Variants in DIP2C observed in about 807,000 individuals in gnomAD.
DIP2C encodes the protein DIP2 acetate--CoA ligase C (putative), also known as disco-interacting protein 2 homolog C.
DIP2C carries 33 observed loss-of-function variants against 192.4 expected under a neutral mutation model. The ratio of observed to expected loss-of-function variants is 0.17; its 90% CI spans 0.13 to 0.23. DIP2C has a LOEUF of 0.23. Among genes scored for constraint, DIP2C ranks in the 10% least tolerant of loss-of-function variants. DIP2C has a pLI of 1.00. For synonymous variants in DIP2C, 979 were observed against 864.1 expected (o/e 1.13, Z -2.33); for missense variants, 1,537 against 2,110.1 (o/e 0.73, Z 5.32).
At chr10:376,763 T>C (rs554123717) in intron 17 of DIP2C, among the ~76,000 whole-genome samples, 1 of 152,212 alleles carries the variant, frequency 6.6e-6, no homozygotes, top group Non-Finnish European at 1.5e-5. Flanking sequence ...AACTAATAAA[T>C]TCACAGTACT....
At chr10:424,382 T>TTTTTTTTTTTTTTTTTTTTG (rs1388302720) in intron 4 of DIP2C, among the ~76,000 whole-genome samples, 2 of 101,362 alleles carry the variant, frequency 2.0e-5, no homozygotes, top group African/African-American at 4.3e-5. Flanking sequence ...TTTTTTTTTT[T>TTTTTTTTTTTTTTTTTTTTG]TGAGACAGAG....
At chr10:369,385 G>A (rs2132780685) in intron 18 of DIP2C, 109 bp downstream of exon 18, 1 of 1,380,624 alleles carries the variant, frequency 7.2e-7, no homozygotes, top group Non-Finnish European at 9.6e-7. Flanking sequence ...CTCTCAGCCT[G>A]AGGGCACACC....
chr10:414,812 GAC>G (rs1289095134), intron 7 of DIP2C, among the ~76,000 whole-genome samples: 4 of 133,950 alleles, frequency 3.0e-5, no homozygotes, highest in Admixed American at 7.8e-5. Context: ...ATTTTGTAGA[GAC>G]AGGTTTGGGC....
intron 1 of DIP2C, among the ~76,000 whole-genome samples, chr10:535,150 C>G (rs1847630627): frequency 6.6e-6 from 1 of 152,106 alleles, no homozygotes; most frequent in Non-Finnish European, 1.5e-5. Context: ...TCTCTCACAT[C>G]TCAAGTACAG....
chr10:467,455 G>A (rs555866727), intron 3 of DIP2C, among the ~76,000 whole-genome samples: 2,418 of 147,074 alleles, frequency 0.016, 82 homozygotes, highest in African/African-American at 0.058. Context: ...TGGGTGCAGC[G>A]CACCAGCATG....
chr10:636,199 C>T lies in DIP2C; in HGVS notation c.85+53295G>A, dbSNP rs574551666. 6.6e-5 allele frequency among the ~76,000 whole-genome samples: 10 copies of T among 152,294 alleles called. No homozygotes were observed. The highest frequency in any genetic ancestry group is 1.9e-4 in the African/African-American group (8 of 41,566). On this transcript the variant is annotated intron_variant, in intron 1 of 36. Coordinates refer to ENST00000280886, the MANE Select transcript of DIP2C (RefSeq NM_014974.3). The surrounding 1 kb of genome is among the most constrained non-coding windows in gnomAD (Gnocchi z 4.6). Reference sequence around the variant, plus strand: ...TCCCCACAAGTCGACAGAACACCAACGGCTCGTCGGCTCGTCGGCTCTTCC... The same window carrying T: ...TCCCCACAAGTCGACAGAACACCAATGGCTCGTCGGCTCGTCGGCTCTTCC...
At chr10:573,421 G>A (rs922182732) in intron 1 of DIP2C, among the ~76,000 whole-genome samples, 6 of 152,234 alleles carry the variant, frequency 3.9e-5, no homozygotes, top group African/African-American at 1.4e-4. Flanking sequence ...TATCGTTGCT[G>A]TTTTTCGGAC....
chr10:326,883 C>T, intron 31 of DIP2C, 123 bp downstream of exon 31: 1 of 1,215,690 alleles, frequency 8.2e-7, no homozygotes, highest in Non-Finnish European at 1.1e-6. Flanking sequence ...ATGCGTGTGA[C>T]TGAAAGATCT....
At position 341,234 on chromosome 10, in the gene DIP2C, G is replaced by A; in HGVS notation, c.3549C>T (p.Tyr1183=). The A allele has an allele frequency of 3.7e-6, 6 of 1,614,200 alleles. No individual in the cohort carries two copies. The highest frequency in any genetic ancestry group is 3.3e-5 in the Admixed American group (2 of 60,026). Residue 1183 remains tyrosine (Y), a synonymous_variant, in exon 29 of 37, where the codon TAC becomes TAT. Transcript: ENST00000280886. The part of the protein sequence containing the change: ...SREVAICLDP[Y]CGLGFVLWCL... The stretch of plus-strand genomic sequence containing the variant: ...ACCAGAGGACAAATCCCAGTCCACA[G>A]TAAGGGTCCAGGCAGATGGCCACTT...
chr10:592,685 T>G (rs185816439), intron 1 of DIP2C, among the ~76,000 whole-genome samples: 9 of 152,286 alleles, frequency 5.9e-5, no homozygotes, highest in African/African-American at 1.9e-4. Context: ...AACACTATTT[T>G]TAATTCTTTG....
chr10:661,599 G>A (rs1444727051), intron 1 of DIP2C, among the ~76,000 whole-genome samples: 1 of 152,190 alleles, frequency 6.6e-6, no homozygotes, highest in African/African-American at 2.4e-5. Context: ...TTAGGGAACT[G>A]CACCGTGCAG....
chr10:471,821 C>T (rs997263855), intron 3 of DIP2C, among the ~76,000 whole-genome samples: 1 of 152,106 alleles, frequency 6.6e-6, no homozygotes, highest in Admixed American at 6.6e-5. Context: ...GGCGTGATCT[C>T]GGCTCACTGC....
At chr10:627,461 T>G (rs1282890252) in intron 1 of DIP2C, among the ~76,000 whole-genome samples, 1 of 152,204 alleles carries the variant, frequency 6.6e-6, no homozygotes, top group Non-Finnish European at 1.5e-5. Context: ...AGCGGGCATC[T>G]TCTTGGCAAC....
intron 1 of DIP2C, among the ~76,000 whole-genome samples, chr10:490,985 G>C (rs935299528): frequency 4.6e-5 from 7 of 152,348 alleles, no homozygotes; most frequent in African/African-American, 1.7e-4. Flanking sequence ...TTGCAATCCA[G>C]AGTTTCAGGG....
At chr10:382,463 T>C (rs758172894) in intron 17 of DIP2C, 184 bp downstream of exon 17, 39 of 526,990 alleles carry the variant, frequency 7.4e-5, no homozygotes, top group Non-Finnish European at 9.1e-5. Flanking sequence ...TTTTAATGAA[T>C]GAATCTAGGC....
chr10:669,081 G>A (rs531218068), intron 1 of DIP2C: 1 of 152,220 alleles, frequency 6.6e-6, no homozygotes, highest in East Asian at 1.9e-4. Flanking sequence ...GGCAAACTGA[G>A]GAGAAATTGG....
At chr10:657,538 T>C (rs1316666596) in intron 1 of DIP2C, among the ~76,000 whole-genome samples, 1 of 26,796 alleles carries the variant, frequency 3.7e-5, no homozygotes, top group Admixed American at 4.6e-4. Context: ...GCTAGACCTG[T>C]CCCTGGACCT....
intron 1 of DIP2C, among the ~76,000 whole-genome samples, chr10:490,246 G>T (rs1349105488): frequency 6.6e-6 from 1 of 152,202 alleles, no homozygotes; most frequent in African/African-American, 2.4e-5. Flanking sequence ...CAGGCTGAAT[G>T]ATCAATTAAT....
rs370356292 is a variant in DIP2C at position 435,850 on chromosome 10, A to G, written c.394+5021T>C. On this transcript the variant is annotated intron_variant, in intron 4 of 36. Transcript: ENST00000280886. ...TAATTTGATTCCCGAAATATTTATAATTGTAGATTTAAAAACTCTGTCTTT... is the reference window on the plus strand; with the variant it reads ...TAATTTGATTCCCGAAATATTTATAGTTGTAGATTTAAAAACTCTGTCTTT... Among the ~76,000 whole-genome samples, 73 of 152,300 alleles carry G rather than the reference A, an allele frequency of 4.8e-4. No individual in the cohort carries two copies. The East Asian group carries it at 7.3e-3, about 15-fold the overall frequency.
Sources: gnomAD v4.1 joint callset for allele counts (sites outside exome capture counted in the v4.1 genomes callset) on GRCh38, gnomAD v4.1.1 for gene constraint, Gnocchi (gnomAD v3.1) non-coding constraint, MANE v1.5 for transcripts, NCBI Gene and HGNC (gene_info 2026-07-23, HGNC 2026-07-21) for gene names.